The following MEGF10 variants were observed in gnomAD, a reference collection of about 807,000 sequenced individuals.
MEGF10 encodes the protein multiple EGF like domains 10, also known as multiple epidermal growth factor-like domains protein 10.
In MEGF10, 86 loss-of-function variants were observed where a neutral mutation model predicts 147.5. The observed-to-expected ratio is 0.58, with a 90% confidence interval of 0.49 to 0.70. The LOEUF (loss-of-function observed/expected upper bound fraction) is 0.70, where lower values mean the gene tolerates loss of function less well. Ranked by LOEUF, MEGF10 falls within the 30% of genes least tolerant of loss-of-function variation. The pLI is 0.00. For missense variants in MEGF10, 1,329 were observed against 1,487.3 expected (o/e 0.89, Z 1.75); for synonymous variants, 478 against 525.5 (o/e 0.91, Z 1.24).
At chr5:127,435,292 G>A in intron 15 of MEGF10, 69 bp from the exon 16 acceptor site, 1 of 1,583,112 alleles carries the variant, frequency 6.3e-7, no homozygotes, top group Non-Finnish European at 8.6e-7. Context: ...GTTATTTCCT[G>A]TGCTAAGATT....
chr5:127,245,028 GC>G, the MEGF10 span, among the ~76,000 whole-genome samples: 1 of 152,102 alleles, frequency 6.6e-6, no homozygotes, highest in South Asian at 2.1e-4. Context: ...TGGCCATGCT[GC>G]CCAAAGTAAT....
intron 12 of MEGF10, among the ~76,000 whole-genome samples, chr5:127,420,792 A>T (rs954261226): frequency 1.3e-5 from 2 of 152,190 alleles, no homozygotes; most frequent in African/African-American, 4.8e-5. Flanking sequence ...TCAAGCTGTC[A>T]GGGAGTGCAA....
At chr5:127,336,173 A>G (rs1422090914) in intron 2 of MEGF10, among the ~76,000 whole-genome samples, 3 of 151,670 alleles carry the variant, frequency 2.0e-5, no homozygotes, top group African/African-American at 7.3e-5. Context: ...AGTTCAAAAT[A>G]ATTTATATGC....
At chr5:127,319,366 G>T (rs972323246) in intron 1 of MEGF10, among the ~76,000 whole-genome samples, 2 of 152,250 alleles carry the variant, frequency 1.3e-5, no homozygotes, top group African/African-American at 2.4e-5. Context: ...ATGAGCCACT[G>T]TGCCTGGCCT....
chr5:127,412,931 G>A (rs1167096793), intron 9 of MEGF10, among the ~76,000 whole-genome samples: 2 of 152,162 alleles, frequency 1.3e-5, no homozygotes, highest in Non-Finnish European at 2.9e-5. Flanking sequence ...GTATCTAGCA[G>A]GCTAGCCTGG....
chr5:127,251,117 G>T, the MEGF10 span, among the ~76,000 whole-genome samples: 1 of 151,936 alleles, frequency 6.6e-6, no homozygotes, highest in South Asian at 2.1e-4. Flanking sequence ...TTGGTCAAAT[G>T]GTAGACAAAA....
At chr5:127,440,325 A>G (rs1404339290) in intron 17 of MEGF10, among the ~76,000 whole-genome samples, 7 of 152,228 alleles carry the variant, frequency 4.6e-5, no homozygotes, top group East Asian at 1.9e-4. Context: ...TCTGTACTAC[A>G]AGTAAAAGCA....
At chr5:127,403,482 A>T (rs574616350) in intron 8 of MEGF10, among the ~76,000 whole-genome samples, 1 of 152,310 alleles carries the variant, frequency 6.6e-6, no homozygotes, top group South Asian at 2.1e-4. Flanking sequence ...AAGTACAATG[A>T]AGTTACTATT....
At chr5:127,425,085 C>G (rs1240372441) in intron 13 of MEGF10, among the ~76,000 whole-genome samples, 2 of 152,126 alleles carry the variant, frequency 1.3e-5, no homozygotes, top group Non-Finnish European at 2.9e-5. Context: ...AAGTGTCCAC[C>G]TGCTTTGATG....
At chr5:127,309,988 T>TCTTTCTTTCTTTCTTA (rs1187249400) in intron 1 of MEGF10, among the ~76,000 whole-genome samples, 1 of 78,592 alleles carries the variant, frequency 1.3e-5, no homozygotes, top group Admixed American at 1.2e-4. Context: ...TTTCTTTCTT[T>TCTTTCTTTCTTTCTTA]CTTTCTTTCC....
rs765082454 is a variant in MEGF10, at chr5:127,417,645, C to T, written c.1138C>T (p.Pro380Ser). The T allele has an allele frequency of 1.9e-6, 3 of 1,614,152 alleles. No individual in the cohort carries two copies. Among genetic ancestry groups the T allele is most frequent in the Non-Finnish European group, 2.5e-6 (3 of 1,180,010 alleles). ...CHLENTHSCHPMSGECACKPG... is the reference protein window; with the variant it reads ...CHLENTHSCHSMSGECACKPG... ...TTCATCCATGTCTCTCAGCTGTCAC[C>T]CCATGTCTGGAGAGTGTGCCTGCAA... The change falls in exon 10 of 25, where the codon CCC becomes TCC. Residue 380 changes from proline to serine, a missense_variant. Pro to Ser is a moderately conservative substitution (Grantham distance 74). Around this residue, in one of 3 missense-constraint regions of MEGF10, gnomAD observed 980 missense variants for 1,085.9 expected, o/e 0.90. Transcript: ENST00000503335.
intron 7 of MEGF10, among the ~76,000 whole-genome samples, chr5:127,399,387 T>C (rs1483698346): frequency 6.6e-6 from 1 of 152,216 alleles, no homozygotes; most frequent in Non-Finnish European, 1.5e-5. Flanking sequence ...TAGAGTTATG[T>C]AGAATACACA....
chr5:127,284,611 T>C, the MEGF10 span, among the ~76,000 whole-genome samples: 1 of 152,212 alleles, frequency 6.6e-6, no homozygotes, highest in Non-Finnish European at 1.5e-5. Context: ...TTGATCTCTC[T>C]GAGCCTTCTT....
the MEGF10 span, among the ~76,000 whole-genome samples, chr5:127,263,316 G>T: frequency 0.052 from 7,613 of 145,654 alleles, 345 homozygotes; most frequent in African/African-American, 0.12. Flanking sequence ...TCGGGGGGGG[G>T]GTAAAATTAT....
intron 4 of MEGF10, among the ~76,000 whole-genome samples, chr5:127,362,165 T>G (rs923410182): frequency 5.3e-5 from 8 of 152,066 alleles, no homozygotes; most frequent in African/African-American, 1.9e-4. Context: ...TTTTTGAAAC[T>G]GTTATTAGAT....
intron 1 of MEGF10, among the ~76,000 whole-genome samples, chr5:127,297,156 G>A (rs2585198): frequency 0.53 from 81,037 of 151,948 alleles, 22,363 homozygotes; most frequent in Middle Eastern, 0.62. Flanking sequence ...TAGTAGAGAC[G>A]AGGTTTTGCC....
At chr5:127,326,205 G>A (rs928409365) in intron 1 of MEGF10, among the ~76,000 whole-genome samples, 10 of 151,846 alleles carry the variant, frequency 6.6e-5, no homozygotes, top group Middle Eastern at 3.4e-3. Flanking sequence ...GTGAGCCACC[G>A]CACCTGGCCT....
the MEGF10 span, chr5:127,229,343 T>G: frequency 6.6e-6 from 1 of 152,182 alleles, no homozygotes; most frequent in African/African-American, 2.4e-5. Context: ...CTGGGCTCCG[T>G]GGTTCCCGCC....
intron 1 of MEGF10, among the ~76,000 whole-genome samples, chr5:127,299,577 G>A (rs1262682619): frequency 2.6e-5 from 4 of 152,154 alleles, no homozygotes; most frequent in Non-Finnish European, 4.4e-5. Context: ...CACAGCCTTT[G>A]CAAAGGTCAC....
Sources: allele counts gnomAD v4.1 joint callset (sites outside exome capture counted in the v4.1 genomes callset), GRCh38; gene constraint gnomAD v4.1.1; regional missense constraint gnomAD v4.1.1; transcripts MANE v1.5; gene names NCBI Gene and HGNC (gene_info 2026-07-23, HGNC 2026-07-21).